The following EXOC4 variants were observed in gnomAD, a reference collection of about 807,000 sequenced individuals.
EXOC4 encodes exocyst complex component 4.
EXOC4 carries 71 observed loss-of-function variants against 107.2 expected under a neutral mutation model. The observed-to-expected ratio is 0.66, with a 90% CI of 0.55 to 0.81. The LOEUF is 0.81. EXOC4 is among the 30% of genes least tolerant of loss of function. The probability of loss-of-function intolerance (pLI) is 0.00; values close to 1 mark genes in which losing one functional copy is unlikely to be tolerated. For missense variants in EXOC4, 1,108 were observed against 1,189.6 expected (o/e 0.93, Z 1.01); for synonymous variants, 456 against 441.2 (o/e 1.03, Z -0.42).
intron 9 of EXOC4, among the ~76,000 whole-genome samples, chr7:133,500,230 G>A (rs1799552206): frequency 6.6e-6 from 1 of 152,112 alleles, no homozygotes. Flanking sequence ...TGAAAATAAT[G>A]TCACTATTAA....
At chr7:133,434,164 A>C (rs1399555686) in intron 7 of EXOC4, among the ~76,000 whole-genome samples, 2 of 152,134 alleles carry the variant, frequency 1.3e-5, no homozygotes, top group Non-Finnish European at 2.9e-5. Flanking sequence ...GTTCATTTGC[A>C]AACAAAACTG....
intron 13 of EXOC4, among the ~76,000 whole-genome samples, chr7:133,927,820 A>G (rs1800085908): frequency 1.3e-5 from 2 of 152,336 alleles, no homozygotes; most frequent in Non-Finnish European, 2.9e-5. Context: ...AGCTGACTTA[A>G]ATCTCAAAAC....
At chr7:133,401,959 A>C (rs1797100323) in intron 7 of EXOC4, among the ~76,000 whole-genome samples, 1 of 152,222 alleles carries the variant, frequency 6.6e-6, no homozygotes, top group South Asian at 2.1e-4. Flanking sequence ...ACACATTTGC[A>C]CCTGACAAAA....
intron 10 of EXOC4, among the ~76,000 whole-genome samples, chr7:133,692,482 G>A (rs1585082521): frequency 6.6e-6 from 1 of 152,192 alleles, no homozygotes; most frequent in East Asian, 1.9e-4. Flanking sequence ...AGGGTCTTTG[G>A]ACCTTTTATG....
At position 134,064,336 on chromosome 7, in the gene EXOC4, C is replaced by T; in HGVS notation, c.2733C>T (p.Asn911=). The change falls in exon 18 of 18, where the codon AAC becomes AAT. Residue 911 remains asparagine, a synonymous_variant. Coordinates refer to ENST00000253861, the MANE Select transcript of EXOC4 (RefSeq NM_021807.4). ...MLYNTADELL[N]LVVDQGVKYT... is the part of the protein sequence containing the mutation. ...ACAACACAGCTGACGAGCTCCTGAACCTGGTGGTGGACCAGGGTGTGAAGT... is the reference window on the plus strand; with the variant it reads ...ACAACACAGCTGACGAGCTCCTGAATCTGGTGGTGGACCAGGGTGTGAAGT... The T allele has an allele frequency of 6.6e-7, 1 of 1,514,040 alleles. No homozygotes were observed. Among genetic ancestry groups the T allele is most frequent in the Non-Finnish European group, 8.9e-7 (1 of 1,122,212 alleles). 93.8% of individuals were successfully genotyped at this position (1,514,040 alleles called of 1,614,324 possible). A position where few individuals can be genotyped will look rare whatever the true frequency, so the allele number is the denominator to read the frequency against.
chr7:133,380,274 T>C (rs1425101379), intron 7 of EXOC4, among the ~76,000 whole-genome samples: 2 of 151,286 alleles, frequency 1.3e-5, no homozygotes, highest in Non-Finnish European at 2.9e-5. Context: ...TAAAATAAAA[T>C]AAAATAAAAT....
At chr7:133,375,178 A>G (rs946555221) in intron 7 of EXOC4, 176 bp downstream of exon 7, 3 of 604,620 alleles carry the variant, frequency 5.0e-6, no homozygotes, top group Non-Finnish European at 8.4e-6. Context: ...TACTATCTTC[A>G]AAAAACTTTT....
chr7:133,269,359 C>G (rs1793811055), intron 1 of EXOC4, among the ~76,000 whole-genome samples: 1 of 152,182 alleles, frequency 6.6e-6, no homozygotes, highest in South Asian at 2.1e-4. Flanking sequence ...AATTTCAACT[C>G]TGATATTAAC....
At chr7:133,792,917 G>A (rs1165390248) in intron 10 of EXOC4, among the ~76,000 whole-genome samples, 3 of 152,150 alleles carry the variant, frequency 2.0e-5, no homozygotes, top group Admixed American at 2.0e-4. Flanking sequence ...CATTAGTATA[G>A]AGAGAACCAA....
chr7:133,350,321 CTG>C (rs1174298029), intron 5 of EXOC4, among the ~76,000 whole-genome samples: 2 of 152,084 alleles, frequency 1.3e-5, no homozygotes, highest in Admixed American at 1.3e-4. Flanking sequence ...ACATTTAGGA[CTG>C]TGATCTATTT....
At chr7:133,336,347 G>T (rs949113553) in intron 5 of EXOC4, among the ~76,000 whole-genome samples, 1 of 151,998 alleles carries the variant, frequency 6.6e-6, no homozygotes, top group African/African-American at 2.4e-5. Flanking sequence ...TCCATTTTGG[G>T]TTACTTTTTG....
rs1477288568 is a variant in EXOC4 at position 134,065,637 on chromosome 7, G to T, written c.*1109G>T. The T allele has an allele frequency of 6.6e-6, 1 of 152,414 alleles. No homozygotes were observed. Among genetic ancestry groups the T allele is most frequent in the African/African-American group, 2.4e-5 (1 of 41,460 alleles). The allele number at this position is 152,414 out of a possible 1,614,324, so 9.4% of individuals were successfully genotyped here. A position where few individuals can be genotyped will look rare whatever the true frequency, so the allele number is the denominator to read the frequency against. On this transcript the variant is annotated 3_prime_UTR_variant, in exon 18 of 18. Transcript: ENST00000253861. The stretch of plus-strand genomic sequence containing the variant: ...ACTCGTGGAAAGGGAAAGGGGAGGA[G>T]ATGGGACTTTGACCACACACAGTGA...
chr7:133,838,690 T>C (rs977191327), intron 11 of EXOC4, among the ~76,000 whole-genome samples: 13 of 152,236 alleles, frequency 8.5e-5, no homozygotes, highest in Non-Finnish European at 1.2e-4. Context: ...ATGGTACTAC[T>C]TTACAGTAGC....
intron 10 of EXOC4, among the ~76,000 whole-genome samples, chr7:133,727,975 A>G (rs991012264): frequency 1.3e-5 from 2 of 151,902 alleles, no homozygotes; most frequent in Non-Finnish European, 2.9e-5. Context: ...TTTATTTTTC[A>G]TTTTACACTC....
intron 15 of EXOC4, among the ~76,000 whole-genome samples, chr7:134,002,814 A>T (rs1428575709): frequency 2.6e-5 from 4 of 152,172 alleles, no homozygotes; most frequent in African/African-American, 7.2e-5. Flanking sequence ...TTTAAAACTG[A>T]CAACACCAAG....
intron 1 of EXOC4, among the ~76,000 whole-genome samples, chr7:133,256,595 C>T (rs899065869): frequency 6.6e-6 from 1 of 152,212 alleles, no homozygotes; most frequent in Non-Finnish European, 1.5e-5. Flanking sequence ...TTTTGTATCA[C>T]TGAGTAGTAG....
intron 3 of EXOC4, among the ~76,000 whole-genome samples, chr7:133,299,486 A>C (rs1584790351): frequency 6.6e-6 from 1 of 152,196 alleles, no homozygotes; most frequent in South Asian, 2.1e-4. Context: ...AGGGGGAAAA[A>C]CAAAAAACTA....
At chr7:133,771,086 G>A (rs1796234975) in intron 10 of EXOC4, among the ~76,000 whole-genome samples, 1 of 151,944 alleles carries the variant, frequency 6.6e-6, no homozygotes, top group South Asian at 2.1e-4. Flanking sequence ...TACCAAAGTT[G>A]TTTTGGCAGC....
intron 10 of EXOC4, among the ~76,000 whole-genome samples, chr7:133,812,628 T>A (rs904537392): frequency 6.6e-6 from 1 of 152,224 alleles, no homozygotes; most frequent in African/African-American, 2.4e-5. Context: ...TTATTTTTAA[T>A]TGAAAAATAG....
Sources: allele counts gnomAD v4.1 joint callset (sites outside exome capture counted in the v4.1 genomes callset), GRCh38; gene constraint gnomAD v4.1.1; transcripts MANE v1.5; gene names NCBI Gene and HGNC (gene_info 2026-07-23, HGNC 2026-07-21).